Variants in CAPRIN2 observed in about 807,000 individuals in gnomAD.
CAPRIN2 encodes caprin-2.
Under a neutral mutation model 130.4 loss-of-function variants are expected in CAPRIN2, and 66 were observed. The observed-to-expected ratio is 0.51, with a 90% CI of 0.42 to 0.62. The LOEUF (loss-of-function observed/expected upper bound fraction) is 0.62, where lower values mean the gene tolerates loss of function less well. Ranked by LOEUF, CAPRIN2 falls within the 20% of genes least tolerant of loss-of-function variation. The pLI is 0.00. For missense variants in CAPRIN2, 1,185 were observed against 1,246.6 expected (o/e 0.95, Z 0.74); for synonymous variants, 471 against 444.1 (o/e 1.06, Z -0.76).
intron 12 of CAPRIN2, chr12:30,720,224 G>C (rs1168400262): frequency 6.6e-6 from 1 of 152,180 alleles, no homozygotes; most frequent in African/African-American, 2.4e-5. Context: ...CCTGGGACTA[G>C]AGGCATGAGC....
At chr12:30,735,602 T>TA (rs1341835296) in intron 3 of CAPRIN2, among the ~76,000 whole-genome samples, 6 of 152,198 alleles carry the variant, frequency 3.9e-5, no homozygotes, top group Non-Finnish European at 2.9e-5. Context: ...AAAAAATATT[T>TA]AAACTAAAAT....
intron 6 of CAPRIN2, among the ~76,000 whole-genome samples, chr12:30,730,769 G>A (rs985139862): frequency 2.0e-5 from 3 of 152,100 alleles, no homozygotes; most frequent in South Asian, 2.1e-4. Context: ...AAATGGTTTC[G>A]CTCTTGCTTA....
chr12:30,748,140 CAT>C (rs2071650659), intron 2 of CAPRIN2, among the ~76,000 whole-genome samples: 1 of 152,182 alleles, frequency 6.6e-6, no homozygotes, highest in Non-Finnish European at 1.5e-5. Flanking sequence ...TACATAGACT[CAT>C]AGTTGATAAA....
chr12:30,737,854 C>A (rs2065628149), intron 3 of CAPRIN2, among the ~76,000 whole-genome samples: 1 of 152,098 alleles, frequency 6.6e-6, no homozygotes, highest in Non-Finnish European at 1.5e-5. Flanking sequence ...GCCTCGGCCT[C>A]CCAAAGTGCT....
chr12:30,745,751 A>G (rs1023228754), intron 2 of CAPRIN2, among the ~76,000 whole-genome samples: 27 of 152,286 alleles, frequency 1.8e-4, no homozygotes, highest in African/African-American at 6.3e-4. Flanking sequence ...AAGTGGAATA[A>G]AGTAAGTCTA....
chr12:30,730,871 G>C (rs2062452324), intron 6 of CAPRIN2, among the ~76,000 whole-genome samples: 1 of 152,134 alleles, frequency 6.6e-6, no homozygotes, highest in South Asian at 2.1e-4. Context: ...AGTGCCACTT[G>C]CTCAAAGTAT....
At chr12:30,719,314 A>G in intron 12 of CAPRIN2, 89 bp from the exon 14 acceptor site, 3 of 1,456,650 alleles carry the variant, frequency 2.1e-6, no homozygotes, top group Non-Finnish European at 2.8e-6. Context: ...ATAAGTCAGC[A>G]AGTTCTTTAG....
rs112868438 is a variant in CAPRIN2 at position 30,733,806 on chromosome 12, G to A, written c.810-95C>T. 3.0e-3 allele frequency: 2,417 copies of A among 799,832 alleles called. 36 individuals are homozygous for A. In the African/African-American group the frequency reaches 0.038, roughly 12 times the overall value. The allele number at this position is 799,832 out of a possible 1,614,324, so 49.5% of individuals were successfully genotyped here. The stretch of plus-strand genomic sequence containing the variant: ...TGCAATATAACCCATTAACAGACAA[G>A]ACATTCAAATGTTAATTTTGTCTTT... On this transcript the variant is annotated intron_variant, in intron 4 of 16. Transcript: ENST00000298892.
chr12:30,738,656 C>T lies in CAPRIN2; in HGVS notation c.570+2364G>A, dbSNP rs2065954872. On this transcript the variant is annotated intron_variant, in intron 3 of 16. Transcript: ENST00000298892. ...TGGGAGAAAACTTTTGCAAACTATG[C>T]ATCTGACAAAGATCTAATATCCAGT... Among the ~76,000 whole-genome samples the T allele has an allele frequency of 1.3e-5, 2 of 152,100 alleles. 1 individual carries two copies. The highest frequency in any genetic ancestry group is 4.1e-4 in the South Asian group (2 of 4,826).
At chr12:30,716,483 C>A (rs1458514800) in intron 13 of CAPRIN2, 25 bp downstream of exon 15, 4 of 1,607,824 alleles carry the variant, frequency 2.5e-6, no homozygotes, top group South Asian at 1.1e-5. Flanking sequence ...CTAAGTCTTC[C>A]AAATATCATA....
chr12:30,739,321 A>G (rs751929290), intron 3 of CAPRIN2, among the ~76,000 whole-genome samples: 3 of 151,858 alleles, frequency 2.0e-5, no homozygotes, highest in Non-Finnish European at 2.9e-5. Context: ...CAAATACCAC[A>G]TGTTCTCACA....
chr12:30,725,402 T>A (rs915690208), intron 9 of CAPRIN2, among the ~76,000 whole-genome samples: 2 of 152,226 alleles, frequency 1.3e-5, no homozygotes, highest in African/African-American at 4.8e-5. Context: ...AGGCCCATAT[T>A]CAAAGCTCAG....
chr12:30,750,528 T>C (rs1366256460), intron 2 of CAPRIN2, among the ~76,000 whole-genome samples: 2 of 151,738 alleles, frequency 1.3e-5, no homozygotes, highest in African/African-American at 2.4e-5. Context: ...TTAATGTTTA[T>C]AGTAAGCTTT....
rs367800608 is a variant in CAPRIN2 at position 30,710,384 on chromosome 12, G to A, written c.2752C>T (p.Arg918Cys). ...GGCACATCCACAGGGGTCATGCTAC[G>A]GGAGTCTCCTTGTCCAGAGTCACCA... Residue 918 changes from arginine to cysteine, a missense_variant, in exon 17 of 17, where the codon CGT (arginine) becomes TGT (cysteine). Around this residue, in one of 2 missense-constraint regions of CAPRIN2, gnomAD observed 1,104 missense variants for 1,104.3 expected, o/e 1.00. Coordinates refer to ENST00000298892, the Ensembl canonical transcript of CAPRIN2. This position sits in a 1 kb window ranked among gnomAD's most constrained non-coding sequence, Gnocchi z 4.8. 29 of 1,613,994 alleles carry A rather than the reference G, an allele frequency of 1.8e-5. No homozygotes were observed. Among genetic ancestry groups the A allele is most frequent in the Middle Eastern group, 1.6e-4 (1 of 6,084 alleles).
At chr12:30,712,803 G>A (rs1057371693) in intron 15 of CAPRIN2, among the ~76,000 whole-genome samples, 15 of 143,892 alleles carry the variant, frequency 1.0e-4, no homozygotes, top group Admixed American at 2.3e-4. Flanking sequence ...GTGCAATGGC[G>A]CTATCTCTGC....
chr12:30,733,523 T>C (rs2063437615), intron 5 of CAPRIN2, 106 bp downstream of exon 6: 2 of 748,964 alleles, frequency 2.7e-6, no homozygotes, highest in African/African-American at 1.7e-5. Flanking sequence ...TTGTCAGACA[T>C]GTAAGTTCTG....
At chr12:30,723,107 C>G (rs2137204125) in intron 11 of CAPRIN2, 152 bp downstream of exon 12, 2 of 601,370 alleles carry the variant, frequency 3.3e-6, no homozygotes, top group Non-Finnish European at 5.9e-6. Context: ...CATTTTAGGA[C>G]AAGTCGTATT....
At chr12:30,733,521 C>T (rs1481213437) in intron 5 of CAPRIN2, 108 bp downstream of exon 6, 1 of 734,542 alleles carries the variant, frequency 1.4e-6, no homozygotes, top group African/African-American at 1.7e-5. Context: ...TATTGTCAGA[C>T]ATGTAAGTTC....
At position 30,741,602 on chromosome 12, in the gene CAPRIN2, G is replaced by A. The variant is rs143708096; in HGVS notation, c.484-496C>T. The stretch of plus-strand genomic sequence containing the variant: ...GCAATGTCCTACAGGAAATTTAAAG[G>A]AGCAAAACTTTTTTTTAAAGATTTC... On this transcript the variant is annotated intron_variant, in intron 2 of 16. Transcript: ENST00000298892. Among the ~76,000 whole-genome samples, 512 of 152,138 alleles carry A rather than the reference G, an allele frequency of 3.4e-3. 8 individuals carry two copies. Among genetic ancestry groups the A allele is most frequent in the African/African-American group, 0.011 (462 of 41,520 alleles).
Sources: allele counts gnomAD v4.1 joint callset (sites outside exome capture counted in the v4.1 genomes callset), GRCh38; gene constraint gnomAD v4.1.1; regional missense constraint gnomAD v4.1.1; non-coding constraint Gnocchi (gnomAD v3.1); transcripts MANE v1.5; gene names NCBI Gene and HGNC (gene_info 2026-07-23, HGNC 2026-07-21).